The following AGMO variants were observed in gnomAD, a reference collection of about 807,000 sequenced individuals.
AGMO encodes the protein glyceryl-ether monooxygenase.
In AGMO, 75 loss-of-function variants were observed where a neutral mutation model predicts 60.2. That is an observed-to-expected ratio of 1.25 (90% CI 1.03 to 1.51). The LOEUF (loss-of-function observed/expected upper bound fraction) is 1.51, where lower values mean the gene tolerates loss of function less well. Among genes scored for constraint, AGMO ranks in the 40% most tolerant of loss-of-function variants. The pLI is 0.00. For missense variants in AGMO, 763 were observed against 525.5 expected, an observed-to-expected ratio of 1.45 and a Z score of -4.42; for synonymous variants, 261 against 177.1, an observed-to-expected ratio of 1.47 and a Z score of -3.76.
At chr7:15,559,583 A>T (rs1785245882) in intron 2 of AGMO, among the ~76,000 whole-genome samples, 1 of 152,102 alleles carries the variant, frequency 6.6e-6, no homozygotes, top group Non-Finnish European at 1.5e-5. Flanking sequence ...AGAGTGGACG[A>T]TCCAAAAGCA....
chr7:15,549,518 T>C (rs1040350278), intron 2 of AGMO, among the ~76,000 whole-genome samples: 10 of 152,014 alleles, frequency 6.6e-5, no homozygotes, highest in African/African-American at 2.2e-4. Flanking sequence ...GTTGCAATCC[T>C]AGTCTCTGAT....
At chr7:15,527,562 A>T (rs1232869273) in intron 3 of AGMO, among the ~76,000 whole-genome samples, 2 of 152,216 alleles carry the variant, frequency 1.3e-5, no homozygotes, top group Non-Finnish European at 2.9e-5. Flanking sequence ...ACAAGTGTTG[A>T]TCTGGAAGCT....
chr7:15,269,110 T>A (rs909481139), intron 12 of AGMO, among the ~76,000 whole-genome samples: 1 of 152,062 alleles, frequency 6.6e-6, no homozygotes, highest in African/African-American at 2.4e-5. Context: ...GCCAATGTAA[T>A]GTGAAAGTAG....
the AGMO span, among the ~76,000 whole-genome samples, chr7:15,191,929 G>A: frequency 0.099 from 14,850 of 150,554 alleles, 856 homozygotes; most frequent in East Asian, 0.15. Context: ...CTAAATCATT[G>A]ATCGAATAAA....
At chr7:15,486,331 G>A (rs1411393770) in intron 3 of AGMO, among the ~76,000 whole-genome samples, 2 of 152,144 alleles carry the variant, frequency 1.3e-5, no homozygotes, top group Non-Finnish European at 2.9e-5. Flanking sequence ...GCTATGTACA[G>A]TTCAAACCCG....
intron 3 of AGMO, among the ~76,000 whole-genome samples, chr7:15,462,363 G>C (rs1194002735): frequency 6.6e-6 from 1 of 152,068 alleles, no homozygotes; most frequent in African/African-American, 2.4e-5. Flanking sequence ...TTTATTGTTT[G>C]ATTGCATATA....
chr7:15,484,777 A>T (rs1782867976), intron 3 of AGMO, among the ~76,000 whole-genome samples: 1 of 152,140 alleles, frequency 6.6e-6, no homozygotes, highest in Non-Finnish European at 1.5e-5. Context: ...AGCATTTCTA[A>T]AATTATATGA....
At chr7:15,368,705 A>C (rs1783083591) in intron 10 of AGMO, among the ~76,000 whole-genome samples, 1 of 152,160 alleles carries the variant, frequency 6.6e-6, no homozygotes, top group South Asian at 2.1e-4. Flanking sequence ...AATTACAATA[A>C]GATGAGCAAC....
intron 12 of AGMO, chr7:15,306,561 T>C (rs1780620491): frequency 2.6e-6 from 1 of 386,544 alleles, no homozygotes; most frequent in African/African-American, 3.4e-5. Context: ...TATAACAGAA[T>C]ATGACTGTGT....
chr7:15,449,554 A>G (rs1781803087), intron 3 of AGMO, among the ~76,000 whole-genome samples: 1 of 152,190 alleles, frequency 6.6e-6, no homozygotes, highest in Non-Finnish European at 1.5e-5. Flanking sequence ...GTACAGTAAC[A>G]TGCTGCACAG....
chr7:15,285,205 A>G (rs982739497), intron 12 of AGMO, among the ~76,000 whole-genome samples: 4 of 152,056 alleles, frequency 2.6e-5, no homozygotes, highest in Admixed American at 2.0e-4. Context: ...TCTATTCAAC[A>G]TAACACCTGA....
chr7:15,428,604 T>C (rs916852506), intron 4 of AGMO, among the ~76,000 whole-genome samples: 3 of 152,134 alleles, frequency 2.0e-5, no homozygotes, highest in African/African-American at 7.2e-5. Context: ...CAACTTGGCA[T>C]TGCTCAATAC....
At chr7:15,492,962 A>G (rs1321594308) in intron 3 of AGMO, among the ~76,000 whole-genome samples, 3 of 152,146 alleles carry the variant, frequency 2.0e-5, no homozygotes, top group African/African-American at 7.2e-5. Context: ...ATGATGGGAC[A>G]TTCAGAATGT....
chr7:15,363,237 C>T (rs1214896079), intron 12 of AGMO, among the ~76,000 whole-genome samples: 8 of 152,106 alleles, frequency 5.3e-5, no homozygotes. Context: ...GTTGTTCTTC[C>T]CCACTTCTCA....
intron 12 of AGMO, among the ~76,000 whole-genome samples, chr7:15,273,898 T>C (rs1399462112): frequency 6.6e-6 from 1 of 152,108 alleles, no homozygotes; most frequent in Non-Finnish European, 1.5e-5. Flanking sequence ...TGAATGGGAG[T>C]TCTATCATGA....
At chr7:15,455,515 T>C (rs1781978050) in intron 3 of AGMO, among the ~76,000 whole-genome samples, 1 of 152,142 alleles carries the variant, frequency 6.6e-6, no homozygotes, top group Non-Finnish European at 1.5e-5. Flanking sequence ...TCTCTCCTGA[T>C]GGTTTTCCTT....
the AGMO span, among the ~76,000 whole-genome samples, chr7:15,174,820 A>T: frequency 1.3e-5 from 2 of 152,044 alleles, no homozygotes; most frequent in Non-Finnish European, 2.9e-5. Context: ...GATTGAATTA[A>T]ATTATTTTGG....
At chr7:15,364,905 ACT>A (rs1250078741) in intron 12 of AGMO, among the ~76,000 whole-genome samples, 2 of 152,134 alleles carry the variant, frequency 1.3e-5, no homozygotes, top group African/African-American at 2.4e-5. Flanking sequence ...AACATAATAC[ACT>A]CTCTATTAAT....
chr7:15,184,605 AGAAGGAAGAGAGGGAGGGAGGGAAG>A, the AGMO span, among the ~76,000 whole-genome samples: 2 of 89,644 alleles, frequency 2.2e-5, no homozygotes, highest in Non-Finnish European at 4.2e-5. Context: ...AGGGAAGGAA[AGAAGGAAGAGAGGGAGGGAGGGAAG>A]GAAGGAAGGG....
Sources: gnomAD v4.1 joint callset for allele counts (sites outside exome capture counted in the v4.1 genomes callset) on GRCh38, gnomAD v4.1.1 for gene constraint, MANE v1.5 for transcripts, NCBI Gene and HGNC (gene_info 2026-07-23, HGNC 2026-07-21) for gene names.